PIWIL4: variants seen among roughly 807,000 people sequenced by gnomAD.
PIWIL4 encodes piwi like RNA-mediated gene silencing 4.
A neutral mutation model predicts 100.9 loss-of-function variants in PIWIL4; 50 were observed. That is an observed-to-expected ratio of 0.50 (90% CI 0.39 to 0.63). The LOEUF is 0.63. Among genes scored for constraint, PIWIL4 ranks in the 20% least tolerant of loss-of-function variants. PIWIL4 has a pLI of 0.00. For missense variants in PIWIL4, 887 were observed against 1,043.3 expected, an observed-to-expected ratio of 0.85 and a Z score of 2.06; for synonymous variants, 342 against 367.5, an observed-to-expected ratio of 0.93 and a Z score of 0.79.
intron 6 of PIWIL4, 102 bp from the exon 7 acceptor site, chr11:94,586,948 A>T: frequency 8.7e-7 from 1 of 1,150,050 alleles, no homozygotes; most frequent in Non-Finnish European, 1.2e-6. Context: ...TTATCTTGTT[A>T]AGATCTCGAG....
At chr11:94,613,365 C>G (rs975945475) in intron 15 of PIWIL4, among the ~76,000 whole-genome samples, 1 of 152,162 alleles carries the variant, frequency 6.6e-6, no homozygotes, top group African/African-American at 2.4e-5. Context: ...ATAAGCCTCT[C>G]TTCTTGCTGC....
chr11:94,604,137 C>A, intron 13 of PIWIL4, 81 bp downstream of exon 13: 1 of 803,472 alleles, frequency 1.2e-6, no homozygotes. Context: ...CATACCCTCC[C>A]ATGATATATT....
intron 11 of PIWIL4, among the ~76,000 whole-genome samples, chr11:94,599,011 T>A (rs561157855): frequency 6.6e-6 from 1 of 152,266 alleles, no homozygotes; most frequent in South Asian, 2.1e-4. Context: ...CCTGGCCTTG[T>A]CATATCTTTA....
intron 4 of PIWIL4, among the ~76,000 whole-genome samples, chr11:94,578,553 A>C (rs1948272799): frequency 6.6e-6 from 1 of 152,192 alleles, no homozygotes; most frequent in South Asian, 2.1e-4. Flanking sequence ...TGAGTTATCC[A>C]TTCGTAAACT....
intron 11 of PIWIL4, 47 bp from the exon 12 acceptor site, chr11:94,601,748 C>T (rs1369585435): frequency 6.3e-7 from 1 of 1,578,814 alleles, no homozygotes; most frequent in Non-Finnish European, 8.7e-7. Context: ...TTTAGCTGCT[C>T]TCTGAATAAA....
chr11:94,596,255 T>G (rs565633402), intron 10 of PIWIL4, among the ~76,000 whole-genome samples: 11 of 152,166 alleles, frequency 7.2e-5, no homozygotes, highest in Non-Finnish European at 1.2e-4. Context: ...ACAGTCTTTT[T>G]TTTTTTTTCT....
At position 94,601,869 on chromosome 11, in the gene PIWIL4, T is replaced by C. The variant is rs1199549738; in HGVS notation, c.1455T>C (p.Asn485=). 2 of 1,614,162 alleles carry C rather than the reference T, an allele frequency of 1.2e-6. No individual in the cohort carries two copies. Among genetic ancestry groups the C allele is most frequent in the South Asian group, 1.1e-5 (1 of 91,090 alleles). The change falls in exon 12 of 20, where the codon AAT becomes AAC. Residue 485 remains asparagine, a synonymous_variant. Coordinates refer to ENST00000299001, the MANE Select transcript of PIWIL4 (RefSeq NM_152431.3). ...TCKILNAQSL[N]TWLILCSDRT... ...AGATTTTAAATGCACAGTCTTTGAA[T>C]ACCTGGTTGATTTTATGTAGCGACA...
chr11:94,588,240 C>T (rs1382653277), intron 7 of PIWIL4, among the ~76,000 whole-genome samples: 1 of 152,092 alleles, frequency 6.6e-6, no homozygotes, highest in Non-Finnish European at 1.5e-5. Context: ...CCCTGGTTTG[C>T]TGAGGATAAT....
chr11:94,589,935 A>G (rs980524518), intron 8 of PIWIL4, among the ~76,000 whole-genome samples: 1 of 152,164 alleles, frequency 6.6e-6, no homozygotes, highest in Non-Finnish European at 1.5e-5. Context: ...TCAAGAAACT[A>G]TTGATGGAAT....
intron 15 of PIWIL4, among the ~76,000 whole-genome samples, chr11:94,615,065 G>A (rs919340606): frequency 5.9e-5 from 9 of 152,144 alleles, no homozygotes; most frequent in African/African-American, 2.2e-4. Flanking sequence ...GTCAGTTGAG[G>A]TGCTCCATAG....
rs566521371 is a variant in PIWIL4 at position 94,577,186 on chromosome 11, T to C, written c.299-92T>C. The C allele has an allele frequency of 3.8e-6, 4 of 1,056,424 alleles. No homozygotes were observed. In the Admixed American group the frequency reaches 8.8e-5, roughly 23 times the overall value. 65.4% of individuals were successfully genotyped at this position (1,056,424 alleles called of 1,614,324 possible). ...AATCCTTGCTTTAAAGCAACTACTATGCATAGGCAAATACATTTTTAAATG... is the reference window on the plus strand; with the variant it reads ...AATCCTTGCTTTAAAGCAACTACTACGCATAGGCAAATACATTTTTAAATG... On this transcript the variant is annotated intron_variant, in intron 3 of 19. Transcript: ENST00000299001.
chr11:94,597,986 G>T, intron 11 of PIWIL4, 71 bp downstream of exon 11: 2 of 1,190,536 alleles, frequency 1.7e-6, no homozygotes, highest in Non-Finnish European at 2.4e-6. Flanking sequence ...GCATTGGCCA[G>T]AGTGGCTTGT....
chr11:94,577,608 G>C (rs780502744), intron 4 of PIWIL4, 116 bp downstream of exon 4: 2 of 855,466 alleles, frequency 2.3e-6, no homozygotes, highest in African/African-American at 3.4e-5. Context: ...TGGAAAAATA[G>C]AATTAAAAGG....
chr11:94,606,690 C>A (rs192283130), intron 13 of PIWIL4, among the ~76,000 whole-genome samples: 2 of 152,000 alleles, frequency 1.3e-5, no homozygotes, highest in Non-Finnish European at 2.9e-5. Context: ...AAAAATTAGC[C>A]GGGCGTGGTG....
chr11:94,575,216 T>C, intron 3 of PIWIL4, 86 bp downstream of exon 3: 1 of 1,370,188 alleles, frequency 7.3e-7, no homozygotes, highest in Non-Finnish European at 1.0e-6. Context: ...ATAAATAAGT[T>C]CATATGTTTG....
At chr11:94,619,235 A>C (rs888590874) in intron 17 of PIWIL4, among the ~76,000 whole-genome samples, 1 of 152,194 alleles carries the variant, frequency 6.6e-6, no homozygotes, top group Admixed American at 6.5e-5. Flanking sequence ...TACCAAATAC[A>C]TTAACACTTC....
chr11:94,616,136 T>G (rs762503339), intron 15 of PIWIL4, among the ~76,000 whole-genome samples: 2 of 152,260 alleles, frequency 1.3e-5, no homozygotes, highest in African/African-American at 4.8e-5. Flanking sequence ...TCATGTGATT[T>G]AATTTTTACC....
chr11:94,598,604 TC>T (rs1948591144), intron 11 of PIWIL4, among the ~76,000 whole-genome samples: 1 of 152,076 alleles, frequency 6.6e-6, no homozygotes, highest in African/African-American at 2.4e-5. Context: ...GTTTAAAGGC[TC>T]TCTTCTTGCC....
chr11:94,620,321 G>A (rs1948892176), intron 19 of PIWIL4, among the ~76,000 whole-genome samples, 177 bp downstream of exon 19: 2 of 152,172 alleles, frequency 1.3e-5, no homozygotes, highest in South Asian at 4.1e-4. Context: ...ACAGTGGGAG[G>A]AAAGCAGTCT....
Sources: gnomAD v4.1 joint callset for allele counts (sites outside exome capture counted in the v4.1 genomes callset) on GRCh38, gnomAD v4.1.1 for gene constraint, MANE v1.5 for transcripts, NCBI Gene and HGNC (gene_info 2026-07-23, HGNC 2026-07-21) for gene names.